LRRC24: variants seen among roughly 807,000 people sequenced by gnomAD.
LRRC24 encodes the protein leucine-rich repeat-containing protein 24.
A neutral mutation model predicts 15.3 loss-of-function variants in LRRC24; 19 were observed. The ratio of observed to expected loss-of-function variants is 1.25; its 90% CI spans 0.87 to 1.83. The LOEUF (loss-of-function observed/expected upper bound fraction) is 1.83. Ranked by LOEUF, LRRC24 falls within the 40% of genes most tolerant of loss-of-function variation. The probability of loss-of-function intolerance (pLI) is 0.00; values close to 1 mark genes in which losing one functional copy is unlikely to be tolerated. For synonymous variants in LRRC24, 469 were observed against 359.6 expected (o/e 1.30, Z -3.44); for missense variants, 914 against 723.9 (o/e 1.26, Z -3.01).
chr8:144,522,814 C>T lies in LRRC24; in HGVS notation c.1203G>A (p.Val401=). Residue 401 remains valine, a synonymous_variant, in exon 5 of 5, where the codon GTG becomes GTA. Coordinates refer to ENST00000529415, the MANE Select transcript of LRRC24 (RefSeq NM_001024678.4). ...AGSMAFRALG[V]ATQTAIAAAI... ...CCGCCGCAATGGCCGTCTGTGTGGC[C>T]ACGCCCAGGGCGCGGAAGGCCATGC... The T allele has an allele frequency of 6.6e-7, 1 of 1,511,784 alleles. No individual in the cohort carries two copies. 93.6% of individuals were successfully genotyped at this position (1,511,784 alleles called of 1,614,324 possible).
In LRRC24 at chr8:144,526,334, G is replaced by A. The variant is rs987403755; in HGVS notation, c.-60+626C>T. ...TTGGGGGCGTTATCTGGGCCCTTGGGATCCATTCCCCTGGGTATAAAGTGT... is the reference window on the plus strand; with the variant it reads ...TTGGGGGCGTTATCTGGGCCCTTGGAATCCATTCCCCTGGGTATAAAGTGT... On this transcript the variant is annotated intron_variant, in intron 1 of 4. Coordinates refer to ENST00000529415, the MANE Select transcript of LRRC24 (RefSeq NM_001024678.4). 4 of 152,238 alleles carry A rather than the reference G, an allele frequency of 2.6e-5. No homozygotes were observed. The East Asian group carries it at 7.7e-4, about 29-fold the overall frequency. The allele number at this position is 152,238 out of a possible 1,614,324, so 9.4% of individuals were successfully genotyped here.
chr8:144,526,807 T>C (rs763622754), intron 1 of LRRC24, 153 bp downstream of exon 1: 1 of 152,248 alleles, frequency 6.6e-6, no homozygotes, highest in Admixed American at 6.5e-5. Flanking sequence ...CCGGTTGATT[T>C]TCGGCCGGGC....
At chr8:144,523,472 G>C in intron 4 of LRRC24, 63 bp from the exon 5 acceptor site, 2 of 1,488,302 alleles carry the variant, frequency 1.3e-6, no homozygotes, top group South Asian at 2.7e-5. Context: ...TGTGCAGTTG[G>C]GGTTTTGCAG....
chr8:144,522,993 T>TG lies in LRRC24; in HGVS notation c.1023_1024insC (p.Lys342GlnfsTer149), dbSNP rs1816185434. 1 of 1,595,696 alleles carries TG rather than the reference T, an allele frequency of 6.3e-7. No individual in the cohort carries two copies. The highest frequency in any genetic ancestry group is 1.3e-5 in the African/African-American group (1 of 74,540). On this transcript the variant is annotated frameshift_variant, in exon 5 of 5. Coordinates refer to ENST00000529415, the MANE Select transcript of LRRC24 (RefSeq NM_001024678.4). LOFTEE classifies it low-confidence loss of function (END_TRUNC). ...GCGTTGGAGGCCTCGCACTCGTACT[T>TG]ACCGGCGTGCGCCAGCGTGATGTTG... is the stretch of plus-strand genomic sequence containing the variant.
rs925971153 is a variant in LRRC24, at chr8:144,522,567, G to C, written c.1450C>G (p.Pro484Ala). The C allele has an allele frequency of 3.3e-5, 51 of 1,551,306 alleles. No homozygotes were observed. Among genetic ancestry groups the C allele is most frequent in the Non-Finnish European group, 4.3e-5 (50 of 1,151,006 alleles). Residue 484 changes from proline to alanine, a missense_variant, in exon 5 of 5, where the codon CCG (proline) becomes GCG (alanine). Physicochemically the swap from Pro to Ala is conservative, Grantham distance 27 (BLOSUM62 -1). Coordinates refer to ENST00000529415, the MANE Select transcript of LRRC24 (RefSeq NM_001024678.4). ...NRSKPLFAEGPAEAPADCGPE... is the reference protein window; with the variant it reads ...NRSKPLFAEGAAEAPADCGPE... ...CCGCAGTCAGCGGGCGCCTCCGCCGGACCCTCGGCGAAGAGCGGCTTGGAG... is the reference window on the plus strand; with the variant it reads ...CCGCAGTCAGCGGGCGCCTCCGCCGCACCCTCGGCGAAGAGCGGCTTGGAG...
rs761225710 is a variant in LRRC24 at position 144,522,612 on chromosome 8, C to T, written c.1405G>A (p.Glu469Lys). The change falls in exon 5 of 5, where the codon GAG becomes AAG. Residue 469 changes from glutamate to lysine, a missense_variant. Transcript: ENST00000529415. The part of the protein sequence containing the change: ...LEELRDERGH[E>K]MFVINRSKPL... ...TTGGAGCGGTTGATGACGAACATCT[C>T]GTGGCCGCGCTCGTCGCGGAGCTCC... 2.5e-6 allele frequency: 4 copies of T among 1,570,448 alleles called. No homozygotes were observed. The highest frequency in any genetic ancestry group is 2.6e-6 in the Non-Finnish European group (3 of 1,160,858).
rs754189927 is a variant in LRRC24 at position 144,523,015 on chromosome 8, G to A, written c.1002C>T (p.Asn334=). The A allele has an allele frequency of 5.0e-6, 8 of 1,597,656 alleles. No homozygotes were observed. The highest frequency in any genetic ancestry group is 6.8e-6 in the Non-Finnish European group (8 of 1,175,050). The part of the protein sequence containing the change: ...DTGSGMLFLS[N]ITLAHAGKYE... ...ACTTACCGGCGTGCGCCAGCGTGAT[G>A]TTGCTGAGGAAGAGCATGCCGCTGC... The change falls in exon 5 of 5, where the codon AAC becomes AAT. Residue 334 remains asparagine, a synonymous_variant. Transcript: ENST00000529415.
chr8:144,526,244 G>GAA (rs1480417081), intron 1 of LRRC24: 16 of 152,356 alleles, frequency 1.1e-4, no homozygotes, highest in African/African-American at 3.8e-4. Context: ...AGTTTTAATG[G>GAA]AATAGCTTTG....
chr8:144,526,254 G>A (rs1456236547), intron 1 of LRRC24: 1 of 152,198 alleles, frequency 6.6e-6, no homozygotes, highest in Non-Finnish European at 1.5e-5. Flanking sequence ...GAATAGCTTT[G>A]GCCCAGGCAG....
chr8:144,524,411 A>C, intron 3 of LRRC24, 30 bp downstream of exon 3: 1 of 1,596,916 alleles, frequency 6.3e-7, no homozygotes, highest in Non-Finnish European at 8.5e-7. Context: ...ATAATGGAGT[A>C]TCCCGCCCCT....
intron 4 of LRRC24, 83 bp downstream of exon 4, chr8:144,524,027 T>C: frequency 6.7e-7 from 1 of 1,485,434 alleles, no homozygotes; most frequent in Non-Finnish European, 9.1e-7. Context: ...AGTTGCCTGA[T>C]GTCAGAGCCC....
chr8:144,522,737 C>A lies in LRRC24; in HGVS notation c.1280G>T (p.Arg427Leu), dbSNP rs376225545. Residue 427 changes from arginine (R) to leucine (L), a missense_variant, in exon 5 of 5, where the codon CGC becomes CTC. Coordinates refer to ENST00000529415, the MANE Select transcript of LRRC24 (RefSeq NM_001024678.4). ...TALLLVAMIC[R>L]RRRRRKKARG... ...CGCCTTTTTTCGCCTGCGGCGCCGGCGACAGATCATGGCGACCAGGAGCAG... is the reference window on the plus strand; with the variant it reads ...CGCCTTTTTTCGCCTGCGGCGCCGGAGACAGATCATGGCGACCAGGAGCAG... 1.8e-4 allele frequency: 294 copies of A among 1,590,322 alleles called. No homozygotes were observed. The highest frequency in any genetic ancestry group is 2.4e-4 in the Non-Finnish European group (286 of 1,170,254).
At chr8:144,525,288 C>A (rs532773897) in intron 1 of LRRC24, 1 of 237,670 alleles carries the variant, frequency 4.2e-6, no homozygotes, top group African/African-American at 2.4e-5. Flanking sequence ...CTGTCACCTT[C>A]TCCTTCTCCA....
chr8:144,522,450 C>T lies in LRRC24; in HGVS notation c.*25G>A, dbSNP rs1375946180. On this transcript the variant is annotated 3_prime_UTR_variant, in exon 5 of 5. Transcript: ENST00000529415. ...GGCCGCACCGGCCAATCTCCGGCGC[C>T]CACGTCATCCGCGCGCCCGCGGCCC... 1.4e-5 allele frequency: 20 copies of T among 1,395,898 alleles called. No homozygotes were observed. The highest frequency in any genetic ancestry group is 3.6e-5 in the Admixed American group (1 of 28,142). The allele number at this position is 1,395,898 out of a possible 1,614,324, so 86.5% of individuals were successfully genotyped here. A position where few individuals can be genotyped will look rare whatever the true frequency, so the allele number is the denominator to read the frequency against.
rs906694608 is a variant in LRRC24 at position 144,525,103 on chromosome 8, C to G, written c.-59-70G>C. On this transcript the variant is annotated intron_variant, in intron 1 of 4. Coordinates refer to ENST00000529415, the MANE Select transcript of LRRC24 (RefSeq NM_001024678.4). Reference sequence around the variant, plus strand: ...CCAATAGATGGAATGGAGGCCTGCACCTGCGTCTAACTTTTGACGCTATAA... The same window carrying G: ...CCAATAGATGGAATGGAGGCCTGCAGCTGCGTCTAACTTTTGACGCTATAA... The G allele has an allele frequency of 2.1e-5, 22 of 1,051,666 alleles. No individual in the cohort carries two copies. In the Admixed American group the frequency reaches 6.5e-4, roughly 31 times the overall value. The allele number at this position is 1,051,666 out of a possible 1,614,324, so 65.1% of individuals were successfully genotyped here.
At chr8:144,523,689 A>T in intron 4 of LRRC24, 1 of 433,148 alleles carries the variant, frequency 2.3e-6, no homozygotes. Context: ...TCTTCCTGCA[A>T]CAAGTGCCAC....
chr8:144,522,660 G>A lies in LRRC24; in HGVS notation c.1357C>T (p.Pro453Ser), dbSNP rs1202712919. 7 of 1,592,464 alleles carry A rather than the reference G, an allele frequency of 4.4e-6. No homozygotes were observed. In the Admixed American group the frequency reaches 1.0e-4, roughly 24 times the overall value. The change falls in exon 5 of 5, where the codon CCC (proline) becomes TCC (serine). Residue 453 changes from proline (P) to serine (S), a missense_variant. By Grantham distance (74) the Pro-to-Ser change is moderately conservative. Transcript: ENST00000529415. ...TCCTCTAGCTGTGCGAACGTACAGG[G>A]GCCGTCCAAGTAGTCGTTGACGAAC... is the stretch of plus-strand genomic sequence containing the variant. The part of the protein sequence containing the change: ...ALFVNDYLDG[P>S]CTFAQLEELR...
At chr8:144,526,125 G>A (rs542281559) in intron 1 of LRRC24, 1 of 152,318 alleles carries the variant, frequency 6.6e-6, no homozygotes, top group African/African-American at 2.4e-5. Context: ...CTCCTTTCGA[G>A]TCATGTGGAA....
chr8:144,524,979 C>T lies in LRRC24; in HGVS notation c.-5G>A, dbSNP rs1182736584. The stretch of plus-strand genomic sequence containing the variant: ...TGCGGGGGCCCTCAGGGCCATCTCC[C>T]GAGGCCCGGTTCCTCACCGGCCCTT... On this transcript the variant is annotated 5_prime_UTR_variant, in exon 2 of 5. Transcript: ENST00000529415. 3 of 1,447,816 alleles carry T rather than the reference C, an allele frequency of 2.1e-6. No individual in the cohort carries two copies. The highest frequency in any genetic ancestry group is 2.6e-5 in the Admixed American group (1 of 37,994). 89.7% of individuals were successfully genotyped at this position (1,447,816 alleles called of 1,614,324 possible). A position where few individuals can be genotyped will look rare whatever the true frequency, so the allele number is the denominator to read the frequency against.
Sources: allele counts gnomAD v4.1 joint callset, GRCh38; gene constraint gnomAD v4.1.1; transcripts MANE v1.5; gene names NCBI Gene and HGNC (gene_info 2026-07-23, HGNC 2026-07-21).